RNF2: variants seen among roughly 807,000 people sequenced by gnomAD.
The protein encoded by RNF2 is E3 ubiquitin-protein ligase RING2.
A neutral mutation model predicts 37.2 loss-of-function variants in RNF2; 6 were observed. That is an observed-to-expected ratio of 0.16 (90% CI 0.09 to 0.32). The LOEUF (loss-of-function observed/expected upper bound fraction) is 0.32, where lower values mean the gene tolerates loss of function less well. RNF2 is among the 10% of genes least tolerant of loss of function. The pLI, the probability that RNF2 is intolerant of heterozygous loss-of-function variation, is 1.00. For synonymous variants in RNF2, 133 were observed against 132.7 expected (o/e 1.00, Z -0.02); for missense variants, 251 against 404.0 (o/e 0.62, Z 3.25).
intron 2 of RNF2, among the ~76,000 whole-genome samples, chr1:185,090,930 T>C (rs987701993): frequency 6.6e-6 from 1 of 152,264 alleles, no homozygotes; most frequent in Non-Finnish European, 1.5e-5. Flanking sequence ...CAATACATTT[T>C]ATACTTTGGA....
At chr1:185,053,781 G>C (rs1165917694) in intron 1 of RNF2, among the ~76,000 whole-genome samples, 1 of 152,128 alleles carries the variant, frequency 6.6e-6, no homozygotes, top group East Asian at 1.9e-4. Context: ...TATCTAAAAG[G>C]AGTAGTGCAC....
chr1:185,051,529 G>T (rs895036454), intron 1 of RNF2, among the ~76,000 whole-genome samples: 2 of 152,198 alleles, frequency 1.3e-5, no homozygotes, highest in Non-Finnish European at 2.9e-5. Flanking sequence ...AGGGGTGTAT[G>T]TGAAGAAAAA....
Position 185,073,978 on chromosome 1 carries a change from A to T in RNF2, c.-2-13574A>T, listed in dbSNP as rs182972292. On this transcript the variant is annotated intron_variant, in intron 1 of 6. Transcript: ENST00000367510. ...TCAGATGCCATTAAGCCCATGCCTC[A>T]TGTACTTCTGACCAATTGGCTATAA... 2.1e-3 allele frequency among the ~76,000 whole-genome samples: 321 copies of T among 152,324 alleles called. 1 individual carries two copies. The highest frequency in any genetic ancestry group is 7.6e-3 in the African/African-American group (314 of 41,568).
At chr1:185,055,020 A>G (rs986822195) in intron 1 of RNF2, among the ~76,000 whole-genome samples, 1 of 152,182 alleles carries the variant, frequency 6.6e-6, no homozygotes, top group Admixed American at 6.5e-5. Context: ...CCAAGGTTGC[A>G]TGTGTTGATT....
intron 1 of RNF2, among the ~76,000 whole-genome samples, chr1:185,082,364 T>TTTTTTTTTTTTTTTTTTTTTTTTG (rs1173750596): frequency 2.6e-5 from 3 of 114,888 alleles, no homozygotes; most frequent in Non-Finnish European, 3.8e-5. Context: ...TTTTTTTTTT[T>TTTTTTTTTTTTTTTTTTTTTTTTG]TTTGAAGACA....
chr1:185,066,971 T>G (rs1401807722), intron 1 of RNF2, among the ~76,000 whole-genome samples: 4 of 152,208 alleles, frequency 2.6e-5, no homozygotes, highest in Non-Finnish European at 4.4e-5. Context: ...AACATTTCCT[T>G]GTAAGACAAC....
chr1:185,080,242 A>G lies in RNF2; in HGVS notation c.-2-7310A>G, dbSNP rs139778083. 2.1e-3 allele frequency among the ~76,000 whole-genome samples: 318 copies of G among 152,278 alleles called. 1 individual carries two copies. Among genetic ancestry groups the G allele is most frequent in the African/African-American group, 7.3e-3 (304 of 41,542 alleles). Reference sequence around the variant, plus strand: ...ATCTATACATAGGTGACTCTCAGATATTGTTCATTGAAATCACTTTTCATT... The same window carrying G: ...ATCTATACATAGGTGACTCTCAGATGTTGTTCATTGAAATCACTTTTCATT... On this transcript the variant is annotated intron_variant, in intron 1 of 6. Coordinates refer to ENST00000367510, the MANE Select transcript of RNF2 (RefSeq NM_007212.4).
chr1:185,075,087 C>G (rs550837802), intron 1 of RNF2, among the ~76,000 whole-genome samples: 1 of 152,144 alleles, frequency 6.6e-6, no homozygotes, highest in East Asian at 1.9e-4. Flanking sequence ...CTACACCTTC[C>G]GGGTTCAAGC....
At position 185,078,685 on chromosome 1, in the gene RNF2, G is replaced by A. The variant is rs554111583; in HGVS notation, c.-2-8867G>A. 8.5e-5 allele frequency among the ~76,000 whole-genome samples: 13 copies of A among 152,192 alleles called. 1 individual carries two copies. In the Middle Eastern group the frequency reaches 0.014, roughly 159 times the overall value. On this transcript the variant is annotated intron_variant, in intron 1 of 6. Coordinates refer to ENST00000367510, the MANE Select transcript of RNF2 (RefSeq NM_007212.4). The stretch of plus-strand genomic sequence containing the variant: ...AGCACTTTGGGAGGCCGAGGTGGGC[G>A]GATCACCTGAGGTTGGGAGTTCGAG...
chr1:185,049,670 TA>T (rs200612317), intron 1 of RNF2, among the ~76,000 whole-genome samples: 14,494 of 123,926 alleles, frequency 0.12, 890 homozygotes, highest in East Asian at 0.3. Context: ...TAGATGAGTG[TA>T]AAAAAAAAAA....
intron 4 of RNF2, among the ~76,000 whole-genome samples, chr1:185,095,171 G>A (rs1013352357): frequency 2.0e-5 from 3 of 152,138 alleles, no homozygotes; most frequent in South Asian, 2.1e-4. Context: ...ATTCCTAAGC[G>A]TTGGAAGGAC....
intron 1 of RNF2, among the ~76,000 whole-genome samples, chr1:185,056,026 TA>T (rs1650425374): frequency 6.6e-6 from 1 of 152,240 alleles, no homozygotes; most frequent in Non-Finnish European, 1.5e-5. Flanking sequence ...TCTAGAATAG[TA>T]AATCTAAATT....
chr1:185,072,851 A>G (rs1651026014), intron 1 of RNF2, among the ~76,000 whole-genome samples: 1 of 152,200 alleles, frequency 6.6e-6, no homozygotes, highest in South Asian at 2.1e-4. Context: ...GAGGCAGGAG[A>G]ATCGCTTGAA....
intron 1 of RNF2, among the ~76,000 whole-genome samples, chr1:185,066,652 C>G (rs1183449590): frequency 6.6e-6 from 1 of 152,168 alleles, no homozygotes; most frequent in Non-Finnish European, 1.5e-5. Context: ...TGGTTGAACT[C>G]AACTGGTTTT....
At chr1:185,097,972 T>C in intron 4 of RNF2, 100 bp from the exon 5 acceptor site, 1 of 1,276,900 alleles carries the variant, frequency 7.8e-7, no homozygotes, top group East Asian at 2.4e-5. Context: ...GTTACCAGTA[T>C]TTTTTGGAAT....
At chr1:185,075,750 T>C (rs893352708) in intron 1 of RNF2, among the ~76,000 whole-genome samples, 2 of 152,074 alleles carry the variant, frequency 1.3e-5, no homozygotes, top group Non-Finnish European at 2.9e-5. Context: ...AAGGGGGAAA[T>C]CCACTCCCAT....
At chr1:185,048,236 T>TA (rs1199234491) in intron 1 of RNF2, among the ~76,000 whole-genome samples, 1 of 152,170 alleles carries the variant, frequency 6.6e-6, no homozygotes. Context: ...CTATAGGTGC[T>TA]AAGAGCGTAG....
chr1:185,100,003 A>G, intron 6 of RNF2, 41 bp downstream of exon 6: 10 of 1,561,410 alleles, frequency 6.4e-6, no homozygotes, highest in Non-Finnish European at 7.9e-6. Flanking sequence ...CTGGGAGCAC[A>G]CTGACCAACT....
rs1364767686 is a variant in RNF2 at position 185,098,166 on chromosome 1, A to T, written c.559A>T (p.Asn187Tyr). The change falls in exon 5 of 7, where the codon AAT (asparagine) becomes TAT (tyrosine). Residue 187 changes from asparagine to tyrosine, a missense_variant. Asn to Tyr is a moderately radical substitution (Grantham distance 143, BLOSUM62 -2). Coordinates refer to ENST00000367510, the MANE Select transcript of RNF2 (RefSeq NM_007212.4). ...SHCSNASTHS[N>Y]QEAGPSNKRT... ...CTGCAGTAATGCATCCACACATAGC[A>T]ATCAGGAAGCAGGCCCTAGTAACAA... 2.5e-6 allele frequency: 4 copies of T among 1,614,242 alleles called. No homozygotes were observed. In the South Asian group the frequency reaches 4.4e-5, roughly 18 times the overall value.
Sources: allele counts gnomAD v4.1 joint callset (sites outside exome capture counted in the v4.1 genomes callset), GRCh38; gene constraint gnomAD v4.1.1; transcripts MANE v1.5; gene names NCBI Gene and HGNC (gene_info 2026-07-23, HGNC 2026-07-21).